TET2: variants seen among roughly 807,000 people sequenced by gnomAD.
TET2 encodes tet methylcytosine dioxygenase 2.
Under a neutral mutation model 142.9 loss-of-function variants are expected in TET2, and 299 were observed. The ratio of observed to expected loss-of-function variants is 2.09; its 90% CI spans 1.90 to 2.30. The LOEUF is 2.30. TET2 is among the 30% of genes most tolerant of loss of function. TET2 has a pLI of 0.00. For synonymous variants in TET2, 819 were observed against 849.0 expected, an observed-to-expected ratio of 0.96 and a Z score of 0.61; for missense variants, 2,418 against 2,378.0, an observed-to-expected ratio of 1.02 and a Z score of -0.35.
intron 1 of TET2, among the ~76,000 whole-genome samples, chr4:105,176,380 T>C (rs1316700780): frequency 2.6e-5 from 4 of 152,162 alleles, no homozygotes; most frequent in Non-Finnish European, 5.9e-5. Context: ...CAGTTGTTTA[T>C]ATGGAATATC....
At chr4:105,228,350 A>G (rs1728306594) in intron 2 of TET2, among the ~76,000 whole-genome samples, 1 of 152,148 alleles carries the variant, frequency 6.6e-6, no homozygotes, top group Non-Finnish European at 1.5e-5. Context: ...ATGGTTGTAT[A>G]AAGGACTTGC....
chr4:105,174,996 G>A (rs1468200409), intron 1 of TET2, among the ~76,000 whole-genome samples: 1 of 152,150 alleles, frequency 6.6e-6, no homozygotes, highest in East Asian at 1.9e-4. Flanking sequence ...ACGTTAGGGG[G>A]CCTAGGGGAA....
At chr4:105,218,715 C>CT (rs1727638934) in intron 2 of TET2, among the ~76,000 whole-genome samples, 1 of 151,950 alleles carries the variant, frequency 6.6e-6, no homozygotes, top group East Asian at 1.9e-4. Context: ...CTGACTGTGT[C>CT]TATGTCCTGT....
chr4:105,234,627 A>G lies in TET2; in HGVS notation c.685A>G (p.Thr229Ala). The G allele has an allele frequency of 4.3e-6, 7 of 1,614,098 alleles. No individual in the cohort carries two copies. The highest frequency in any genetic ancestry group is 5.9e-6 in the Non-Finnish European group (7 of 1,180,008). The change falls in exon 3 of 11, where the codon ACA becomes GCA. Residue 229 changes from threonine (T) to alanine (A), a missense_variant. By Grantham distance (58) the Thr-to-Ala change is moderately conservative. Transcript: ENST00000380013. ...CACACATGGTGAACTCCTGGAAAAAACACTGTCTCAATATTATCCAGATTG... is the reference window on the plus strand; with the variant it reads ...CACACATGGTGAACTCCTGGAAAAAGCACTGTCTCAATATTATCCAGATTG... The part of the protein sequence containing the change: ...EHTHGELLEK[T>A]LSQYYPDCVS...
intron 2 of TET2, among the ~76,000 whole-genome samples, chr4:105,193,706 G>T (rs988808149): frequency 1.3e-5 from 2 of 152,124 alleles, no homozygotes; most frequent in African/African-American, 2.4e-5. Flanking sequence ...GATTAATTAC[G>T]TGTTGGTATT....
At chr4:105,265,822 A>C (rs1163097999) in intron 8 of TET2, among the ~76,000 whole-genome samples, 2 of 152,170 alleles carry the variant, frequency 1.3e-5, no homozygotes, top group South Asian at 4.1e-4. Context: ...ACCAGAGAGA[A>C]AGGAAGTAAA....
chr4:105,261,990 G>A (rs918886662), intron 8 of TET2, 142 bp downstream of exon 8: 3 of 586,902 alleles, frequency 5.1e-6, no homozygotes, highest in African/African-American at 1.9e-5. Flanking sequence ...GCAGTGTTCA[G>A]TTTCGAGTAT....
chr4:105,248,073 ACACTT>A (rs1434503059), intron 6 of TET2, among the ~76,000 whole-genome samples: 1 of 152,050 alleles, frequency 6.6e-6, no homozygotes. Flanking sequence ...ATTGGCAAAA[ACACTT>A]CATAAGTAGT....
intron 1 of TET2, among the ~76,000 whole-genome samples, chr4:105,161,563 A>G (rs1723861457): frequency 6.6e-6 from 1 of 152,236 alleles, no homozygotes. Flanking sequence ...AACAAAAATC[A>G]TCCTATCTTA....
intron 2 of TET2, among the ~76,000 whole-genome samples, chr4:105,229,815 A>G (rs533010055): frequency 6.6e-6 from 1 of 152,088 alleles, no homozygotes; most frequent in East Asian, 1.9e-4. Flanking sequence ...TAGCATTCTT[A>G]TATAAACTGT....
chr4:105,241,575 C>G, intron 4 of TET2, 146 bp downstream of exon 4: 5 of 1,422,706 alleles, frequency 3.5e-6, no homozygotes, highest in Non-Finnish European at 4.6e-6. Context: ...GCCAACACTA[C>G]ACACTGTGCT....
Position 105,234,126 on chromosome 4 carries a change from G to T in TET2, c.184G>T (p.Gly62Ter). 6.2e-7 allele frequency: 1 copy of T among 1,614,092 alleles called. No homozygotes were observed. The change falls in exon 3 of 11, where the codon GGA (glycine) becomes TGA (stop). Residue 62 changes from glycine to a stop codon, truncating the protein, a stop_gained. Transcript: ENST00000380013. LOFTEE classifies it high-confidence loss of function. The stretch of plus-strand genomic sequence containing the variant: ...GTGGCACTCTTTCAAAAGTTATTAT[G>T]GAATACCCTGTATGAAGGGAAGCCA... The part of the protein sequence containing the change: ...TKWHSFKSYY[G>*]IPCMKGSQNS...
At chr4:105,206,981 A>G (rs576296944) in intron 2 of TET2, among the ~76,000 whole-genome samples, 1 of 152,334 alleles carries the variant, frequency 6.6e-6, no homozygotes, top group East Asian at 1.9e-4. Context: ...ATATAAAACA[A>G]GTTTGGAGTA....
chr4:105,213,810 T>TCCC (rs1727312525), intron 2 of TET2, among the ~76,000 whole-genome samples: 1 of 152,178 alleles, frequency 6.6e-6, no homozygotes, highest in Non-Finnish European at 1.5e-5. Flanking sequence ...TCATTCTGTT[T>TCCC]CCCATGGCAC....
At chr4:105,150,642 A>G (rs922609184) in intron 1 of TET2, among the ~76,000 whole-genome samples, 1 of 152,236 alleles carries the variant, frequency 6.6e-6, no homozygotes, top group African/African-American at 2.4e-5. Context: ...ACCAGTTGCC[A>G]AGTAGAGCTG....
chr4:105,268,164 G>A (rs1481843583), intron 8 of TET2, among the ~76,000 whole-genome samples: 1 of 152,140 alleles, frequency 6.6e-6, no homozygotes. Flanking sequence ...TGACATGTTT[G>A]TCTACATAAG....
chr4:105,245,803 C>T (rs1578695913), intron 6 of TET2, among the ~76,000 whole-genome samples: 1 of 152,150 alleles, frequency 6.6e-6, no homozygotes, highest in African/African-American at 2.4e-5. Flanking sequence ...GTCTTTAAAG[C>T]ATAATATCTC....
intron 1 of TET2, among the ~76,000 whole-genome samples, chr4:105,190,141 T>C (rs1725699024): frequency 6.6e-6 from 1 of 152,200 alleles, no homozygotes; most frequent in Non-Finnish European, 1.5e-5. Flanking sequence ...TAAAGATGCT[T>C]TGGGCATGGC....
chr4:105,265,964 AAGGTGACG>A lies in TET2; in HGVS notation c.4045-3643_4045-3636del, dbSNP rs959656215. ...ACAAAGTTCAAAATTTGGAGAGGCCAAGGTGACGAGAGTTCACTATTCAGAATATCAGA... is the reference window on the plus strand; with the variant it reads ...ACAAAGTTCAAAATTTGGAGAGGCCAAGAGTTCACTATTCAGAATATCAGA... On this transcript the variant is annotated intron_variant, in intron 8 of 10. Transcript: ENST00000380013. Among the ~76,000 whole-genome samples, 3 of 152,312 alleles carry A rather than the reference AAGGTGACG, an allele frequency of 2.0e-5. No homozygotes were observed. The South Asian group carries it at 6.2e-4, about 32-fold the overall frequency.
Sources: allele counts gnomAD v4.1 joint callset (sites outside exome capture counted in the v4.1 genomes callset), GRCh38; gene constraint gnomAD v4.1.1; transcripts MANE v1.5; gene names NCBI Gene and HGNC (gene_info 2026-07-23, HGNC 2026-07-21).